CORO2B: variants seen among roughly 807,000 people sequenced by gnomAD.
CORO2B encodes coronin 2B.
A neutral mutation model predicts 58.8 loss-of-function variants in CORO2B; 26 were observed. The observed-to-expected ratio is 0.44, with a 90% confidence interval of 0.32 to 0.61. The LOEUF is 0.61. Among genes scored for constraint, CORO2B ranks in the 20% least tolerant of loss-of-function variants. The pLI, the probability that CORO2B is intolerant of heterozygous loss-of-function variation, is 0.04. For missense variants in CORO2B, 460 were observed against 645.1 expected (o/e 0.71, Z 3.11); for synonymous variants, 242 against 253.8 (o/e 0.95, Z 0.44).
chr15:68,615,377 C>T (rs368937981), intron 1 of CORO2B, among the ~76,000 whole-genome samples: 4 of 152,086 alleles, frequency 2.6e-5, no homozygotes, highest in African/African-American at 7.2e-5. Context: ...CTGTGTAACC[C>T]GGGGGGCCTG....
At chr15:68,661,571 A>G (rs532463833) in intron 2 of CORO2B, among the ~76,000 whole-genome samples, 1 of 152,340 alleles carries the variant, frequency 6.6e-6, no homozygotes, top group South Asian at 2.1e-4. Context: ...AGTCCTGATC[A>G]TAAACCTGAC....
chr15:68,697,739 G>A (rs1892547929), intron 3 of CORO2B, among the ~76,000 whole-genome samples: 1 of 152,220 alleles, frequency 6.6e-6, no homozygotes, highest in Non-Finnish European at 1.5e-5. Flanking sequence ...AAGGGCACAG[G>A]TGCTGGAGCT....
In CORO2B at chr15:68,579,180, A is replaced by AC; in HGVS notation, c.-78dup. 1.0e-6 allele frequency: 1 copy of AC among 981,918 alleles called. No individual in the cohort carries two copies. Among genetic ancestry groups the AC allele is most frequent in the East Asian group, 1.2e-4 (1 of 8,628 alleles). 60.8% of individuals were successfully genotyped at this position (981,918 alleles called of 1,614,324 possible). A position where few individuals can be genotyped will look rare whatever the true frequency, so the allele number is the denominator to read the frequency against. Reference sequence around the variant, plus strand: ...CGGGGAGCGAGCCGGGAGCTGCCGGACCCCCTTCCGCCGCCGCCCCGGGCC... The same window carrying AC: ...CGGGGAGCGAGCCGGGAGCTGCCGGACCCCCCTTCCGCCGCCGCCCCGGGCC... On this transcript the variant is annotated 5_prime_UTR_variant, in exon 1 of 12. Transcript: ENST00000261861.
intron 1 of CORO2B, among the ~76,000 whole-genome samples, chr15:68,634,081 GA>G (rs1185222760): frequency 3.3e-5 from 5 of 152,378 alleles, no homozygotes; most frequent in African/African-American, 1.2e-4. Context: ...CCTGGACTAT[GA>G]AACAGCCTTT....
the CORO2B span, among the ~76,000 whole-genome samples, chr15:68,564,992 T>TA: frequency 6.6e-6 from 1 of 152,240 alleles, no homozygotes; most frequent in East Asian, 1.9e-4. Flanking sequence ...AGAATCTCTA[T>TA]AAAACCTATC....
rs181963872 is a variant in CORO2B, at chr15:68,654,389, C to T, written c.216+9029C>T. ...GAGCTGTCTTCCTGGCTCCATTCCT[C>T]TCATTCCTTGCAGAGCCAGGGAGGC... On this transcript the variant is annotated intron_variant, in intron 2 of 11. Transcript: ENST00000261861. 4.6e-3 allele frequency among the ~76,000 whole-genome samples: 701 copies of T among 152,360 alleles called. 2 individuals are homozygous for T. The highest frequency in any genetic ancestry group is 9.3e-3 in the South Asian group (45 of 4,834).
chr15:68,604,885 G>T (rs998002490), intron 1 of CORO2B, among the ~76,000 whole-genome samples: 1 of 152,186 alleles, frequency 6.6e-6, no homozygotes, highest in African/African-American at 2.4e-5. Flanking sequence ...GGAGGCCAAG[G>T]CGGGCTGATC....
rs371044107 is a variant in CORO2B, at chr15:68,710,910, G to A, written c.483+29G>A. ...TGCAGTGGGCAGGCAGCTGGGTGGA[G>A]AGGGATTGGGGAAGAGAAAGGGGCC... is the stretch of plus-strand genomic sequence containing the variant. On this transcript the variant is annotated intron_variant, in intron 4 of 11. Coordinates refer to ENST00000261861, the MANE Select transcript of CORO2B (RefSeq NM_006091.5). The surrounding 1 kb of genome is among the most constrained non-coding windows in gnomAD (Gnocchi z 4.1). 1.3e-6 allele frequency: 2 copies of A among 1,570,382 alleles called. No individual in the cohort carries two copies. Among genetic ancestry groups the A allele is most frequent in the Non-Finnish European group, 1.7e-6 (2 of 1,154,108 alleles).
At chr15:68,617,209 G>A (rs978234628) in intron 1 of CORO2B, among the ~76,000 whole-genome samples, 7 of 152,216 alleles carry the variant, frequency 4.6e-5, no homozygotes, top group African/African-American at 1.7e-4. Flanking sequence ...TGGTGGCTGT[G>A]GGGAGTGGGG....
At chr15:68,527,449 A>T in the CORO2B span, among the ~76,000 whole-genome samples, 3 of 151,930 alleles carry the variant, frequency 2.0e-5, no homozygotes, top group African/African-American at 4.8e-5. Context: ...CTTTTCCTTT[A>T]TTGAAATATG....
At chr15:68,649,976 C>T (rs1318494144) in intron 2 of CORO2B, among the ~76,000 whole-genome samples, 1 of 152,058 alleles carries the variant, frequency 6.6e-6, no homozygotes, top group Admixed American at 6.5e-5. Context: ...TCGGGGATCT[C>T]CAGAGGTCCC....
intron 1 of CORO2B, 39 bp downstream of exon 1, chr15:68,579,316 C>T (rs1595948751): frequency 2.4e-6 from 3 of 1,274,452 alleles, no homozygotes; most frequent in Admixed American, 3.5e-5. Flanking sequence ...GACCCGCCGG[C>T]GCCTGCATCC....
chr15:68,575,146 T>C (rs1315375050), upstream of CORO2B, among the ~76,000 whole-genome samples: 1 of 152,114 alleles, frequency 6.6e-6, no homozygotes, highest in Admixed American at 6.5e-5. Context: ...AGGCCTGCTC[T>C]GCCCTCCCAA....
chr15:68,520,493 G>A, the CORO2B span, among the ~76,000 whole-genome samples: 2 of 152,296 alleles, frequency 1.3e-5, no homozygotes, highest in East Asian at 3.9e-4. Flanking sequence ...TGATGGACTA[G>A]CACTTTTATC....
At chr15:68,584,059 A>G (rs1054877534) in intron 1 of CORO2B, among the ~76,000 whole-genome samples, 5 of 152,192 alleles carry the variant, frequency 3.3e-5, no homozygotes, top group African/African-American at 9.7e-5. Context: ...TGTGTGAGGC[A>G]TTAGGAAAAC....
chr15:68,677,988 G>A (rs909828690), intron 2 of CORO2B, among the ~76,000 whole-genome samples: 3 of 152,186 alleles, frequency 2.0e-5, no homozygotes, highest in Admixed American at 6.5e-5. Context: ...CCTCTCGGAG[G>A]CCTGGTGGGG....
intron 3 of CORO2B, among the ~76,000 whole-genome samples, chr15:68,708,398 T>C (rs1892833891): frequency 6.8e-6 from 1 of 147,060 alleles, no homozygotes; most frequent in South Asian, 2.2e-4. Context: ...TCTTGCTCTG[T>C]CACCCAGGCT....
chr15:68,563,804 A>G, the CORO2B span, among the ~76,000 whole-genome samples: 1 of 152,170 alleles, frequency 6.6e-6, no homozygotes, highest in Non-Finnish European at 1.5e-5. Context: ...AGAAAGAACT[A>G]CAAAAACTGA....
chr15:68,614,627 C>A (rs149952590), intron 1 of CORO2B, among the ~76,000 whole-genome samples: 1 of 152,140 alleles, frequency 6.6e-6, no homozygotes, highest in African/African-American at 2.4e-5. Context: ...GGAGCCCTCA[C>A]GGTCAAGGAT....
Sources: gnomAD v4.1 joint callset for allele counts (sites outside exome capture counted in the v4.1 genomes callset) on GRCh38, gnomAD v4.1.1 for gene constraint, Gnocchi (gnomAD v3.1) non-coding constraint, MANE v1.5 for transcripts, NCBI Gene and HGNC (gene_info 2026-07-23, HGNC 2026-07-21) for gene names.